MSN: variants seen among roughly 807,000 people sequenced by gnomAD.
The protein encoded by MSN is epididymis luminal protein 70.
MSN carries 2 observed loss-of-function variants against 48.0 expected under a neutral mutation model. The ratio of observed to expected loss-of-function variants is 0.04; its 90% CI spans 0.02 to 0.13. The LOEUF (loss-of-function observed/expected upper bound fraction) is 0.13, where lower values mean the gene tolerates loss of function less well. MSN is among the 10% of genes least tolerant of loss of function. MSN has a pLI of 1.00. For synonymous variants in MSN, 146 were observed against 166.9 expected (o/e 0.87, Z 0.97); for missense variants, 267 against 470.1 (o/e 0.57, Z 3.99).
chrX:65,675,521 T>TA (rs1383855519), intron 1 of MSN, among the ~76,000 whole-genome samples: 2 of 111,746 alleles, frequency 1.8e-5, no homozygotes, highest in African/African-American at 6.5e-5. Context: ...GAGCCACAGA[T>TA]ATAAGCATAG....
In MSN at chrX:65,729,071, C is replaced by T. The variant is rs1431571835; in HGVS notation, c.193-367C>T. Among the ~76,000 whole-genome samples, 8 of 111,901 alleles carry T rather than the reference C, an allele frequency of 7.1e-5. No homozygotes were observed. The Admixed American group carries it at 7.6e-4, about 11-fold the overall frequency. ...CAGTCCTCAGACATATATCCTAGTC[C>T]TTACTTTGCTAATTTATGAAGTTGG... is the stretch of plus-strand genomic sequence containing the variant. On this transcript the variant is annotated intron_variant, in intron 3 of 12. Coordinates refer to ENST00000360270, the MANE Select transcript of MSN (RefSeq NM_002444.3).
At chrX:65,660,489 C>T (rs1377438035) in intron 1 of MSN, among the ~76,000 whole-genome samples, 1 of 110,978 alleles carries the variant, frequency 9.0e-6, no homozygotes, top group South Asian at 3.7e-4. Flanking sequence ...CTTTATCTTG[C>T]CTGATTGCTC....
At chrX:65,616,941 C>T (rs1452389242) in intron 1 of MSN, among the ~76,000 whole-genome samples, 8 of 110,560 alleles carry the variant, frequency 7.2e-5, no homozygotes, top group African/African-American at 2.7e-4. Flanking sequence ...TGTCAAAGGC[C>T]TTTTCCGCAT....
intron 1 of MSN, among the ~76,000 whole-genome samples, chrX:65,693,149 A>C (rs973057757): frequency 3.6e-5 from 4 of 111,712 alleles, no homozygotes; most frequent in Non-Finnish European, 7.5e-5. Flanking sequence ...CCAATCATAA[A>C]TACCTTCCAT....
chrX:65,648,443 C>T (rs1452481083), intron 1 of MSN, among the ~76,000 whole-genome samples: 5 of 111,888 alleles, frequency 4.5e-5, no homozygotes, highest in Non-Finnish European at 9.4e-5. Flanking sequence ...ATCTCAGCTA[C>T]TTGGGAGGCT....
At chrX:65,739,226 T>C (rs763892790) in intron 12 of MSN, 32 bp downstream of exon 12, 1 of 1,143,160 alleles carries the variant, frequency 8.7e-7, no homozygotes, top group African/African-American at 1.8e-5. Flanking sequence ...GCAAGGAAAC[T>C]ATATGCATTG....
At chrX:65,637,557 A>G (rs969813424) in intron 1 of MSN, among the ~76,000 whole-genome samples, 6 of 111,542 alleles carry the variant, frequency 5.4e-5, no homozygotes, top group African/African-American at 2.0e-4. Context: ...TGATCCAGTC[A>G]TAAAGAGCCT....
At position 65,741,095 on chromosome X, in the gene MSN, C is replaced by G. The variant is rs1380790468; in HGVS notation, c.*1202C>G. The G allele has an allele frequency of 1.2e-5, 2 of 167,672 alleles. No individual in the cohort carries two copies. Among genetic ancestry groups the G allele is most frequent in the Admixed American group, 8.1e-5 (1 of 12,348 alleles). 13.8% of individuals were successfully genotyped at this position (167,672 alleles called of 1,213,427 possible). On this transcript the variant is annotated 3_prime_UTR_variant, in exon 13 of 13. Coordinates refer to ENST00000360270, the MANE Select transcript of MSN (RefSeq NM_002444.3). The stretch of plus-strand genomic sequence containing the variant: ...TCATCACTCCCCTCCAAAGAGGTGA[C>G]TGGGCCCTGCCTCTGTTTGACAAAC...
chrX:65,630,235 A>T (rs1184942618), intron 1 of MSN, among the ~76,000 whole-genome samples: 1 of 110,146 alleles, frequency 9.1e-6, no homozygotes, highest in African/African-American at 3.3e-5. Context: ...GAGTTGTGTA[A>T]TCATCACCAC....
chrX:65,676,344 A>G (rs1448577158), intron 1 of MSN, among the ~76,000 whole-genome samples: 2 of 112,010 alleles, frequency 1.8e-5, no homozygotes, highest in South Asian at 3.7e-4. Context: ...GTAAGTGTTG[A>G]CATAGCTCTT....
At chrX:65,609,142 G>A (rs1452399924) in intron 1 of MSN, among the ~76,000 whole-genome samples, 1 of 104,761 alleles carries the variant, frequency 9.5e-6, no homozygotes, top group Admixed American at 1.0e-4. Flanking sequence ...CAAAGTCCCT[G>A]AAGGTGTTGG....
At chrX:65,620,965 G>A (rs963841512) in intron 1 of MSN, among the ~76,000 whole-genome samples, 8 of 107,237 alleles carry the variant, frequency 7.5e-5, no homozygotes, top group African/African-American at 1.7e-4. Context: ...TCCCTCTGTC[G>A]CCCAGGCTGG....
At chrX:65,738,762 C>T (rs2071706399) in intron 11 of MSN, 145 bp downstream of exon 11, 1 of 626,891 alleles carries the variant, frequency 1.6e-6, no homozygotes, top group Non-Finnish European at 2.5e-6. Flanking sequence ...CTCATGGTTT[C>T]GTCAAATACT....
intron 1 of MSN, chrX:65,600,774 T>C (rs144382988): frequency 1.8e-5 from 2 of 112,138 alleles, no homozygotes; most frequent in African/African-American, 6.5e-5. Flanking sequence ...GAATGCAGTC[T>C]TAAAGGACCC....
chrX:65,617,023 A>G (rs1261654813), intron 1 of MSN, among the ~76,000 whole-genome samples: 2 of 108,358 alleles, frequency 1.8e-5, no homozygotes, highest in South Asian at 7.6e-4. Flanking sequence ...TGATTTGCAT[A>G]TATTGAACCA....
chrX:65,671,670 A>AGT (rs1219041217), intron 1 of MSN, among the ~76,000 whole-genome samples: 1 of 111,757 alleles, frequency 8.9e-6, no homozygotes, highest in African/African-American at 3.3e-5. Flanking sequence ...CCTTTGTGAA[A>AGT]GTGTAGATGA....
chrX:65,701,474 C>G (rs2071303401), intron 1 of MSN, among the ~76,000 whole-genome samples: 5 of 112,193 alleles, frequency 4.5e-5, no homozygotes, highest in Non-Finnish European at 9.4e-5. Flanking sequence ...CTCATTTCAA[C>G]AGCATCAAGG....
intron 1 of MSN, among the ~76,000 whole-genome samples, chrX:65,650,882 G>A (rs960562256): frequency 9.9e-5 from 11 of 111,442 alleles, no homozygotes; most frequent in Admixed American, 7.6e-4. Context: ...TGCATTCCTT[G>A]GCTTATGGTC....
intron 1 of MSN, among the ~76,000 whole-genome samples, chrX:65,609,972 G>A (rs1041925091): frequency 1.8e-5 from 2 of 111,487 alleles, no homozygotes; most frequent in Non-Finnish European, 3.8e-5. Context: ...TATTTTCCCG[G>A]TACCTAGACC....
Sources: allele counts gnomAD v4.1 joint callset (sites outside exome capture counted in the v4.1 genomes callset), GRCh38; gene constraint gnomAD v4.1.1; transcripts MANE v1.5; gene names NCBI Gene and HGNC (gene_info 2026-07-23, HGNC 2026-07-21).